Variants in UGT1A10 observed in about 807,000 individuals in gnomAD.
UGT1A10 encodes the protein UDP-glucuronosyltransferase 1A10.
UGT1A10 carries 49 observed loss-of-function variants against 45.8 expected under a neutral mutation model. That is an observed-to-expected ratio of 1.07 (90% CI 0.85 to 1.36). The LOEUF is 1.36. Ranked by LOEUF, UGT1A10 falls within the 40% of genes most tolerant of loss-of-function variation. The pLI is 0.00. For missense variants in UGT1A10, 745 were observed against 668.6 expected (o/e 1.11, Z -1.26); for synonymous variants, 284 against 249.7 (o/e 1.14, Z -1.29).
At chr2:233,689,975 G>A in intron 1 of UGT1A10, 1 of 455,412 alleles carries the variant, frequency 2.2e-6, no homozygotes, top group Admixed American at 2.4e-5. Flanking sequence ...GGAACCCACA[G>A]GCCCCTAAAA....
intron 1 of UGT1A10, among the ~76,000 whole-genome samples, chr2:233,669,349 AAGAT>A (rs1334123581): frequency 1.8e-4 from 28 of 152,314 alleles, no homozygotes; most frequent in African/African-American, 5.3e-4. Context: ...TTTGTACAAA[AAGAT>A]AGCCTGCTGG....
At chr2:233,735,445 G>C (rs1440470115) in intron 1 of UGT1A10, among the ~76,000 whole-genome samples, 1 of 152,036 alleles carries the variant, frequency 6.6e-6, no homozygotes, top group Non-Finnish European at 1.5e-5. Flanking sequence ...GCATACCGAT[G>C]GGCCTTGACT....
At chr2:233,647,982 T>A in intron 1 of UGT1A10, 1 of 1,608,356 alleles carries the variant, frequency 6.2e-7, no homozygotes, top group Non-Finnish European at 8.5e-7. Flanking sequence ...AGAAACTCAT[T>A]CTCAGGGGGC....
chr2:233,647,645 C>T (rs1262890902), intron 1 of UGT1A10, among the ~76,000 whole-genome samples: 2 of 152,136 alleles, frequency 1.3e-5, no homozygotes, highest in Non-Finnish European at 2.9e-5. Flanking sequence ...GAAATTTGTC[C>T]ATTCCATCTA....
chr2:233,644,687 G>T (rs1575397049), intron 1 of UGT1A10, among the ~76,000 whole-genome samples: 1 of 152,224 alleles, frequency 6.6e-6, no homozygotes, highest in East Asian at 1.9e-4. Context: ...CCTCCCAATT[G>T]TCTCCCACCA....
chr2:233,660,871 G>T (rs1318211598), intron 1 of UGT1A10, among the ~76,000 whole-genome samples: 2 of 152,076 alleles, frequency 1.3e-5, no homozygotes, highest in Non-Finnish European at 2.9e-5. Context: ...GGCAGAAGTT[G>T]CTTCTGTTAT....
chr2:233,670,448 C>T (rs1417704478), intron 1 of UGT1A10, among the ~76,000 whole-genome samples: 9 of 152,238 alleles, frequency 5.9e-5, no homozygotes, highest in African/African-American at 2.2e-4. Context: ...GCTTTAGTTT[C>T]AGTGCCCATT....
intron 1 of UGT1A10, among the ~76,000 whole-genome samples, chr2:233,764,487 A>G (rs115581914): frequency 4.6e-5 from 7 of 152,316 alleles, no homozygotes; most frequent in African/African-American, 1.4e-4. Context: ...TCGAATGTTT[A>G]TGGACCTGTG....
intron 1 of UGT1A10, among the ~76,000 whole-genome samples, chr2:233,749,386 AT>A (rs1439732191): frequency 2.6e-5 from 4 of 151,906 alleles, no homozygotes; most frequent in Non-Finnish European, 5.9e-5. Flanking sequence ...CAGTTTTTCA[AT>A]GTGAACATAT....
chr2:233,697,833 TAAG>T (rs2125573515), intron 1 of UGT1A10, among the ~76,000 whole-genome samples: 1 of 152,318 alleles, frequency 6.6e-6, no homozygotes, highest in African/African-American at 2.4e-5. Flanking sequence ...AAAATCTAAT[TAAG>T]AAGTTAGTAA....
In UGT1A10 at chr2:233,736,783, G is replaced by T. The variant is rs545223479; in HGVS notation, c.856-30251G>T. ...CTTCTAACAGTCAGATCCCTCAGCTGCAGGTCTGTTGGAGTTTGCTGGAGG... is the reference window on the plus strand; with the variant it reads ...CTTCTAACAGTCAGATCCCTCAGCTTCAGGTCTGTTGGAGTTTGCTGGAGG... On this transcript the variant is annotated intron_variant, in intron 1 of 4. Transcript: ENST00000344644. Among the ~76,000 whole-genome samples, 9 of 152,312 alleles carry T rather than the reference G, an allele frequency of 5.9e-5. No homozygotes were observed. The South Asian group carries it at 1.9e-3, about 32-fold the overall frequency.
chr2:233,740,676 A>C (rs1309493094), intron 1 of UGT1A10: 3 of 151,760 alleles, frequency 2.0e-5, no homozygotes, highest in Non-Finnish European at 4.4e-5. Flanking sequence ...AGGTGTTTCC[A>C]TGGAGGGTGT....
At position 233,685,517 on chromosome 2, in the gene UGT1A10, G is replaced by A. The variant is rs996449666; in HGVS notation, c.855+48140G>A. Among the ~76,000 whole-genome samples, 3 of 152,184 alleles carry A rather than the reference G, an allele frequency of 2.0e-5. No individual in the cohort carries two copies. The East Asian group carries it at 5.8e-4, about 29-fold the overall frequency. ...GTGGTTACAGCAAGAAAAGATCTATGCTTTCCCCATTGCTCTCGCATTCTG... is the reference window on the plus strand; with the variant it reads ...GTGGTTACAGCAAGAAAAGATCTATACTTTCCCCATTGCTCTCGCATTCTG... On this transcript the variant is annotated intron_variant, in intron 1 of 4. Coordinates refer to ENST00000344644, the MANE Select transcript of UGT1A10 (RefSeq NM_019075.4).
chr2:233,681,530 C>CAA (rs747693860), intron 1 of UGT1A10, among the ~76,000 whole-genome samples: 3,703 of 77,430 alleles, frequency 0.048, 125 homozygotes, highest in Non-Finnish European at 0.069. Flanking sequence ...GACTCCATCT[C>CAA]AAAAAAAAAA....
intron 1 of UGT1A10, among the ~76,000 whole-genome samples, chr2:233,761,453 G>A (rs1414983430): frequency 2.6e-5 from 4 of 152,196 alleles, no homozygotes. Flanking sequence ...GCTGGGTTTG[G>A]GGCACCCTGC....
intron 1 of UGT1A10, among the ~76,000 whole-genome samples, chr2:233,641,828 C>T (rs2073461032): frequency 6.6e-6 from 1 of 151,798 alleles, no homozygotes; most frequent in Non-Finnish European, 1.5e-5. Flanking sequence ...ATATGTCATG[C>T]CACTCTCTCC....
chr2:233,656,900 T>C (rs1457368988), intron 1 of UGT1A10, among the ~76,000 whole-genome samples: 1 of 151,876 alleles, frequency 6.6e-6, no homozygotes, highest in African/African-American at 2.4e-5. Context: ...ATGCTTCATG[T>C]GGCATCTCCC....
chr2:233,693,522 G>C lies in UGT1A10; in HGVS notation c.855+56145G>C. On this transcript the variant is annotated intron_variant, in intron 1 of 4. Coordinates refer to ENST00000344644, the MANE Select transcript of UGT1A10 (RefSeq NM_019075.4). Reference sequence around the variant, plus strand: ...CTACCATCTGTGTACCTCTTCAGGGGTTTTCCGTGTTCCCTGGAGCATACA... The same window carrying C: ...CTACCATCTGTGTACCTCTTCAGGGCTTTTCCGTGTTCCCTGGAGCATACA... 6.2e-7 allele frequency: 1 copy of C among 1,614,162 alleles called. No individual in the cohort carries two copies. The highest frequency in any genetic ancestry group is 8.5e-7 in the Non-Finnish European group (1 of 1,180,018).
At chr2:233,715,759 G>T (rs893076228) in intron 1 of UGT1A10, among the ~76,000 whole-genome samples, 2 of 152,150 alleles carry the variant, frequency 1.3e-5, no homozygotes, top group African/African-American at 4.8e-5. Context: ...GTGACAGAGC[G>T]AGGACCCATC....
Sources: gnomAD v4.1 joint callset for allele counts (sites outside exome capture counted in the v4.1 genomes callset) on GRCh38, gnomAD v4.1.1 for gene constraint, MANE v1.5 for transcripts, NCBI Gene and HGNC (gene_info 2026-07-23, HGNC 2026-07-21) for gene names.